Variants in SLC6A15 observed in about 807,000 individuals in gnomAD.
SLC6A15 encodes the protein sodium-dependent neutral amino acid transporter B(0)AT2.
Under a neutral mutation model 68.5 loss-of-function variants are expected in SLC6A15, and 33 were observed. The observed-to-expected ratio is 0.48, with a 90% confidence interval of 0.37 to 0.64. SLC6A15 has a LOEUF of 0.64. Ranked by LOEUF, SLC6A15 falls within the 30% of genes least tolerant of loss-of-function variation. SLC6A15 has a pLI of 0.00. For missense variants in SLC6A15, 747 were observed against 874.3 expected, an observed-to-expected ratio of 0.85 and a Z score of 1.84; for synonymous variants, 347 against 301.0, an observed-to-expected ratio of 1.15 and a Z score of -1.58.
At chr12:84,910,394 T>C (rs965259912) in intron 1 of SLC6A15, among the ~76,000 whole-genome samples, 2 of 152,256 alleles carry the variant, frequency 1.3e-5, no homozygotes, top group African/African-American at 4.8e-5. Flanking sequence ...CAAATACACA[T>C]GGATCATTGA....
At chr12:84,897,218 A>C (rs1872670642) in intron 1 of SLC6A15, among the ~76,000 whole-genome samples, 1 of 152,030 alleles carries the variant, frequency 6.6e-6, no homozygotes, top group African/African-American at 2.4e-5. Flanking sequence ...AAATAAAATA[A>C]AATAAAATAA....
At chr12:84,875,683 T>G (rs1565723278) in intron 6 of SLC6A15, among the ~76,000 whole-genome samples, 1 of 8,602 alleles carries the variant, frequency 1.2e-4, no homozygotes, top group African/African-American at 2.2e-4. Context: ...TATATATATA[T>G]ATATATATAT....
intron 5 of SLC6A15, chr12:84,880,978 C>G: frequency 1.7e-6 from 1 of 589,764 alleles, no homozygotes; most frequent in Non-Finnish European, 2.1e-6. Context: ...TATTTATTTT[C>G]CCTGAGCTTG....
At chr12:84,872,488 A>G in intron 8 of SLC6A15, 114 bp downstream of exon 8, 1 of 702,136 alleles carries the variant, frequency 1.4e-6, no homozygotes, top group South Asian at 2.3e-5. Context: ...TTCTCCGGGC[A>G]TTTTAAGAGC....
intron 8 of SLC6A15, 99 bp downstream of exon 8, chr12:84,872,482 CCGGGCATTTTAAGAGCTTCTT>C: frequency 6.3e-6 from 4 of 634,564 alleles, no homozygotes; most frequent in South Asian, 5.0e-5. Flanking sequence ...AGGAGCTTCT[CCGGGCATTTTAAGAGCTTCTT>C]CGGGCATTTT....
Position 84,860,601 on chromosome 12 carries a change from G to C in SLC6A15, c.*1031C>G, listed in dbSNP as rs1870806336. ...TGTCTAAGTGCTGACTGAAATGAAA[G>C]ACAATCCAGTTCAGGTGATACAAAG... is the stretch of plus-strand genomic sequence containing the variant. On this transcript the variant is annotated 3_prime_UTR_variant, in exon 12 of 12. Coordinates refer to ENST00000266682, the MANE Select transcript of SLC6A15 (RefSeq NM_182767.6). 2 of 152,040 alleles carry C rather than the reference G, an allele frequency of 1.3e-5. No individual in the cohort carries two copies. Among genetic ancestry groups the C allele is most frequent in the Non-Finnish European group, 2.9e-5 (2 of 67,964 alleles). 9.4% of individuals were successfully genotyped at this position (152,040 alleles called of 1,614,324 possible).
rs758581950 is a variant in SLC6A15 at position 84,870,523 on chromosome 12, T to A, written c.1450A>T (p.Thr484Ser). ...ACTTTGAAAGTGTCCACAATAGGCG[T>A]GACAATCCCTTCAATGGTTCCAAAC... ...SMFGTIEGIV[T>S]PIVDTFKVRK... Residue 484 changes from threonine to serine, a missense_variant, in exon 9 of 12, where the codon ACG (threonine) becomes TCG (serine). Physicochemically the swap from Thr to Ser is moderately conservative, Grantham distance 58 (BLOSUM62 1). Coordinates refer to ENST00000266682, the MANE Select transcript of SLC6A15 (RefSeq NM_182767.6). The A allele has an allele frequency of 4.1e-5, 65 of 1,589,962 alleles. No individual in the cohort carries two copies. The South Asian group carries it at 5.6e-4, about 14-fold the overall frequency.
chr12:84,897,144 T>G (rs1184700387), intron 1 of SLC6A15, among the ~76,000 whole-genome samples: 3 of 151,946 alleles, frequency 2.0e-5, no homozygotes, highest in Non-Finnish European at 4.4e-5. Context: ...AGGCAGCGGT[T>G]GCAGAGATCA....
intron 1 of SLC6A15, among the ~76,000 whole-genome samples, chr12:84,893,456 C>G (rs193176575): frequency 2.6e-5 from 4 of 151,862 alleles, no homozygotes; most frequent in Non-Finnish European, 5.9e-5. Context: ...GTCTCCTATC[C>G]TTTTCCCCAC....
chr12:84,863,601 C>T lies in SLC6A15; in HGVS notation c.1656G>A (p.Lys552=), dbSNP rs1400129659. ...GCATATCTTTTAGGTCTTCCATAAACCTGAATAAAAAGAAAGTATTTAATT... is the reference window on the plus strand; with the variant it reads ...GCATATCTTTTAGGTCTTCCATAAATCTGAATAAAAAGAAAGTATTTAATT... ...IAVCFVYGID[K]FMEDLKDMLG... Residue 552 remains lysine (K), a splice_region_variant and synonymous_variant, in exon 11 of 12, where the codon AAG becomes AAA. Coordinates refer to ENST00000266682, the MANE Select transcript of SLC6A15 (RefSeq NM_182767.6). The T allele has an allele frequency of 6.6e-7, 1 of 1,517,050 alleles. No homozygotes were observed. Among genetic ancestry groups the T allele is most frequent in the Non-Finnish European group, 8.8e-7 (1 of 1,140,022 alleles). The allele number at this position is 1,517,050 out of a possible 1,614,324, so 94.0% of individuals were successfully genotyped here. A position where few individuals can be genotyped will look rare whatever the true frequency, so the allele number is the denominator to read the frequency against.
In SLC6A15 at chr12:84,861,891, A is replaced by G. The variant is rs577162076; in HGVS notation, c.1934T>C (p.Ile645Thr). The change falls in exon 12 of 12, where the codon ATA becomes ACA. Residue 645 changes from isoleucine to threonine, a missense_variant. By Grantham distance (89) the Ile-to-Thr change is moderately conservative (BLOSUM62 -1). Coordinates refer to ENST00000266682, the MANE Select transcript of SLC6A15 (RefSeq NM_182767.6). ...VVFIVRRFNL[I>T]DDSSGNLASV... Reference sequence around the variant, plus strand: ...TGCTAAATTACCAGAACTATCATCTATAAGGTTGAAGCGACGAACAATGAA... The same window carrying G: ...TGCTAAATTACCAGAACTATCATCTGTAAGGTTGAAGCGACGAACAATGAA... The G allele has an allele frequency of 7.4e-6, 12 of 1,614,000 alleles. No homozygotes were observed. In the African/African-American group the frequency reaches 1.2e-4, roughly 16 times the overall value.
intron 1 of SLC6A15, among the ~76,000 whole-genome samples, chr12:84,907,964 A>C (rs917848986): frequency 5.9e-5 from 9 of 152,218 alleles, no homozygotes; most frequent in Admixed American, 1.3e-4. Context: ...ACATTTATAT[A>C]ATATTCTTGC....
chr12:84,876,550 C>T lies in SLC6A15; in HGVS notation c.814G>A (p.Ala272Thr), dbSNP rs149758503. ...TCAATTGAACCATTTAAAAGGAATG[C>T]TCTGATGAGGAAGCAAATAAGTACC... Reference protein sequence around the residue: ...YVVLICFLIRAFLLNGSIDGI... With the variant: ...YVVLICFLIRTFLLNGSIDGI... Residue 272 changes from alanine (A) to threonine (T), a missense_variant, in exon 6 of 12, where the codon GCA (alanine) becomes ACA (threonine). By Grantham distance (58) the Ala-to-Thr change is moderately conservative. Transcript: ENST00000266682. 7.6e-5 allele frequency: 122 copies of T among 1,599,510 alleles called. 2 individuals carry two copies. In the East Asian group the frequency reaches 2.7e-3, roughly 35 times the overall value.
rs1870827720 is a variant in SLC6A15 at position 84,861,127 on chromosome 12, T to G, written c.*505A>C. The G allele has an allele frequency of 6.6e-6, 1 of 152,420 alleles. No individual in the cohort carries two copies. The highest frequency in any genetic ancestry group is 1.5e-5 in the Non-Finnish European group (1 of 68,232). The allele number at this position is 152,420 out of a possible 1,614,324, so 9.4% of individuals were successfully genotyped here. A position where few individuals can be genotyped will look rare whatever the true frequency, so the allele number is the denominator to read the frequency against. ...ATATTTTGCAGTTTTCTTCAACTAA[T>G]TGCCTAAGAAGGTGTCAATGCTACC... On this transcript the variant is annotated 3_prime_UTR_variant, in exon 12 of 12. Coordinates refer to ENST00000266682, the MANE Select transcript of SLC6A15 (RefSeq NM_182767.6).
chr12:84,878,240 T>C (rs1041265226), intron 5 of SLC6A15, among the ~76,000 whole-genome samples: 3 of 152,216 alleles, frequency 2.0e-5, no homozygotes, highest in East Asian at 1.9e-4. Flanking sequence ...GTAATGAACA[T>C]AATTTTTTAA....
At chr12:84,870,819 A>T in intron 8 of SLC6A15, 149 bp from the exon 9 acceptor site, 1 of 478,288 alleles carries the variant, frequency 2.1e-6, no homozygotes, top group Non-Finnish European at 3.7e-6. Context: ...AACCTGATAA[A>T]TCATGTTGTC....
intron 1 of SLC6A15, among the ~76,000 whole-genome samples, chr12:84,911,585 C>T (rs1019871747): frequency 9.9e-5 from 15 of 152,180 alleles, no homozygotes; most frequent in African/African-American, 3.6e-4. Flanking sequence ...AAAAATAATT[C>T]CCGTTCCCGC....
intron 11 of SLC6A15, among the ~76,000 whole-genome samples, 197 bp downstream of exon 11, chr12:84,863,242 G>A (rs548596434): frequency 6.6e-6 from 1 of 152,028 alleles, no homozygotes; most frequent in Non-Finnish European, 1.5e-5. Flanking sequence ...CTTCACATGT[G>A]TTGAAAACAT....
chr12:84,899,637 G>A (rs942392422), intron 1 of SLC6A15, among the ~76,000 whole-genome samples: 1 of 152,002 alleles, frequency 6.6e-6, no homozygotes, highest in South Asian at 2.1e-4. Context: ...AGCTTGCAAA[G>A]AACCCCAAAT....
Sources: gnomAD v4.1 joint callset for allele counts (sites outside exome capture counted in the v4.1 genomes callset) on GRCh38, gnomAD v4.1.1 for gene constraint, MANE v1.5 for transcripts, NCBI Gene and HGNC (gene_info 2026-07-23, HGNC 2026-07-21) for gene names.